ANO10: variants seen among roughly 807,000 people sequenced by gnomAD.
The protein encoded by ANO10 is anoctamin 10.
A neutral mutation model predicts 74.7 loss-of-function variants in ANO10; 77 were observed. The observed-to-expected ratio is 1.03, with a 90% confidence interval of 0.86 to 1.25. The LOEUF is 1.25. Ranked by LOEUF, ANO10 falls within the 50% of genes most tolerant of loss-of-function variation. ANO10 has a pLI of 0.00. For missense variants in ANO10, 721 were observed against 778.1 expected, an observed-to-expected ratio of 0.93 and a Z score of 0.87; for synonymous variants, 279 against 284.9, an observed-to-expected ratio of 0.98 and a Z score of 0.21.
intron 12 of ANO10, among the ~76,000 whole-genome samples, chr3:43,387,838 G>C (rs528783553): frequency 2.6e-5 from 4 of 152,290 alleles, no homozygotes; most frequent in Admixed American, 2.6e-4. Flanking sequence ...TCCCCGAGTG[G>C]CTAAGTCCTG....
chr3:43,373,005 C>T (rs2091673139), intron 12 of ANO10, among the ~76,000 whole-genome samples: 1 of 152,112 alleles, frequency 6.6e-6, no homozygotes, highest in East Asian at 1.9e-4. Context: ...ACTCTCTGGC[C>T]CACAAATTGG....
intron 3 of ANO10, among the ~76,000 whole-genome samples, chr3:43,599,911 A>C (rs2082259667): frequency 6.6e-6 from 1 of 152,174 alleles, no homozygotes; most frequent in South Asian, 2.1e-4. Context: ...GTCTCAAAAA[A>C]AAAAAAAAGA....
At chr3:43,412,327 G>A (rs2092678648) in intron 12 of ANO10, among the ~76,000 whole-genome samples, 1 of 152,150 alleles carries the variant, frequency 6.6e-6, no homozygotes, top group Non-Finnish European at 1.5e-5. Context: ...ATCAGAGGCA[G>A]ATCAGGAATG....
intron 12 of ANO10, among the ~76,000 whole-genome samples, chr3:43,422,748 C>T (rs1334769115): frequency 2.0e-5 from 3 of 152,106 alleles, no homozygotes; most frequent in Admixed American, 6.5e-5. Flanking sequence ...CTCACATCTA[C>T]GGGGAATATT....
At chr3:43,601,141 T>C (rs1002207559) in intron 2 of ANO10, among the ~76,000 whole-genome samples, 4 of 152,336 alleles carry the variant, frequency 2.6e-5, no homozygotes, top group African/African-American at 9.6e-5. Flanking sequence ...ATATCATGAT[T>C]TGATAATGTA....
chr3:43,441,779 C>A (rs905167678), intron 11 of ANO10, among the ~76,000 whole-genome samples: 72 of 152,112 alleles, frequency 4.7e-4, no homozygotes, highest in African/African-American at 1.6e-3. Context: ...AAACCAAATT[C>A]AACAACACAT....
chr3:43,600,095 A>G (rs760141338), intron 3 of ANO10, among the ~76,000 whole-genome samples: 1 of 152,210 alleles, frequency 6.6e-6, no homozygotes, highest in Non-Finnish European at 1.5e-5. Flanking sequence ...GTGTTCATCC[A>G]GGGGAGGCAA....
intron 1 of ANO10, among the ~76,000 whole-genome samples, chr3:43,613,549 T>C (rs1420682449): frequency 6.6e-6 from 1 of 152,240 alleles, no homozygotes; most frequent in Non-Finnish European, 1.5e-5. Flanking sequence ...TACGTTCTTG[T>C]AGGTTTCTGA....
intron 4 of ANO10, among the ~76,000 whole-genome samples, chr3:43,584,710 G>A (rs772766506): frequency 4.6e-5 from 7 of 152,144 alleles, no homozygotes; most frequent in East Asian, 1.9e-4. Flanking sequence ...ATCTCACAGC[G>A]CCATCTAACT....
At chr3:43,453,931 A>C (rs1236294359) in intron 11 of ANO10, among the ~76,000 whole-genome samples, 1 of 152,250 alleles carries the variant, frequency 6.6e-6, no homozygotes, top group African/African-American at 2.4e-5. Flanking sequence ...GGTGCTGTAG[A>C]TTGGAACTAA....
rs546649985 is a variant in ANO10, at chr3:43,580,142, CA to C, written c.592+210del. ...CCTGTGACATAGTGAGACCCTATCT[CA>C]AAAAAAAAAAAAAAAAAGTTTAAAA... is the stretch of plus-strand genomic sequence containing the variant. On this transcript the variant is annotated intron_variant, in intron 5 of 12. Transcript: ENST00000292246. 0.029 allele frequency among the ~76,000 whole-genome samples: 2,067 copies of C among 72,468 alleles called. 21 individuals carry two copies. The highest frequency in any genetic ancestry group is 0.072 in the African/African-American group (1,345 of 18,672). The allele number at this position is 72,468 out of a possible 152,430, so 47.5% of individuals were successfully genotyped here.
intron 11 of ANO10, among the ~76,000 whole-genome samples, chr3:43,473,643 T>C (rs900623565): frequency 3.9e-5 from 6 of 152,230 alleles, no homozygotes; most frequent in African/African-American, 1.2e-4. Context: ...AGAAAATAGT[T>C]GATTTAACTG....
intron 8 of ANO10, among the ~76,000 whole-genome samples, chr3:43,564,034 T>C (rs1271880485): frequency 6.6e-6 from 1 of 152,124 alleles, no homozygotes; most frequent in African/African-American, 2.4e-5. Flanking sequence ...TCTAAATACC[T>C]TGATTGATCA....
intron 1 of ANO10, among the ~76,000 whole-genome samples, chr3:43,611,280 T>C (rs559915464): frequency 2.0e-5 from 3 of 152,310 alleles, no homozygotes; most frequent in East Asian, 3.9e-4. Context: ...TATGGCTTCC[T>C]AAATCAGAAG....
chr3:43,553,419 T>A (rs2079578175), intron 10 of ANO10, among the ~76,000 whole-genome samples: 1 of 152,154 alleles, frequency 6.6e-6, no homozygotes, highest in Non-Finnish European at 1.5e-5. Flanking sequence ...CTTTCTTCTC[T>A]CCTTCTGTAA....
At chr3:43,667,149 G>T (rs2084002864) in intron 1 of ANO10, among the ~76,000 whole-genome samples, 1 of 144,614 alleles carries the variant, frequency 6.9e-6, no homozygotes, top group African/African-American at 2.6e-5. Context: ...GGAGTGCAGT[G>T]GGGCAATCTT....
intron 2 of ANO10, among the ~76,000 whole-genome samples, chr3:43,602,519 A>G (rs780567067): frequency 3.3e-5 from 5 of 152,132 alleles, no homozygotes; most frequent in Admixed American, 2.0e-4. Context: ...TATTTTTAGT[A>G]GAGATGGGGT....
chr3:43,443,566 G>A (rs1189437005), intron 11 of ANO10, among the ~76,000 whole-genome samples: 3 of 151,732 alleles, frequency 2.0e-5, no homozygotes, highest in Admixed American at 6.6e-5. Flanking sequence ...TTAATAGCTG[G>A]AATCTAAAAG....
intron 11 of ANO10, among the ~76,000 whole-genome samples, chr3:43,451,966 A>G (rs1347339522): frequency 1.3e-5 from 2 of 152,174 alleles, no homozygotes; most frequent in Non-Finnish European, 2.9e-5. Context: ...GGCTACCGAT[A>G]AACTCCCAAG....
Sources: gnomAD v4.1 joint callset for allele counts (sites outside exome capture counted in the v4.1 genomes callset) on GRCh38, gnomAD v4.1.1 for gene constraint, MANE v1.5 for transcripts, NCBI Gene and HGNC (gene_info 2026-07-23, HGNC 2026-07-21) for gene names.